DNAI4: variants seen among roughly 807,000 people sequenced by gnomAD.
The protein encoded by DNAI4 is dynein axonemal intermediate chain 4.
DNAI4 carries 85 observed loss-of-function variants against 105.8 expected under a neutral mutation model. That is an observed-to-expected ratio of 0.80 (90% CI 0.67 to 0.96). DNAI4 has a LOEUF of 0.96. Among genes scored for constraint, DNAI4 ranks in the 40% least tolerant of loss-of-function variants. The pLI is 0.00. For synonymous variants in DNAI4, 352 were observed against 331.5 expected (o/e 1.06, Z -0.67); for missense variants, 1,014 against 1,005.6 (o/e 1.01, Z -0.11).
At position 66,905,277 on chromosome 1, in the gene DNAI4, G is replaced by A; in HGVS notation, c.269C>T (p.Ala90Val). ...TGGAATAAGCACGGTTTTGGACACA[G>A]CCATTCTGCTTTGATTTGCACCAGT... The part of the protein sequence containing the change: ...GYTGANQSRM[A>V]VSKTVLIPPE... Residue 90 changes from alanine (A) to valine (V), a missense_variant, in exon 2 of 17, where the codon GCT (alanine) becomes GTT (valine). Physicochemically the swap from Ala to Val is moderately conservative, Grantham distance 64 (BLOSUM62 0). Coordinates refer to ENST00000371026, the MANE Select transcript of DNAI4 (RefSeq NM_024763.5). 2 of 1,586,554 alleles carry A rather than the reference G, an allele frequency of 1.3e-6. No individual in the cohort carries two copies. The highest frequency in any genetic ancestry group is 1.7e-6 in the Non-Finnish European group (2 of 1,161,536).
chr1:66,880,626 T>C (rs970954824), intron 4 of DNAI4, among the ~76,000 whole-genome samples: 2 of 152,172 alleles, frequency 1.3e-5, no homozygotes, highest in Non-Finnish European at 2.9e-5. Context: ...AAGAGGTGAC[T>C]TGGGTGCTGT....
intron 4 of DNAI4, among the ~76,000 whole-genome samples, chr1:66,880,919 T>C (rs931623824): frequency 6.6e-6 from 1 of 152,130 alleles, no homozygotes; most frequent in African/African-American, 2.4e-5. Flanking sequence ...CGGTGTTGTG[T>C]GCAGTCTAGG....
In DNAI4 at chr1:66,890,064, T is replaced by C. The variant is rs1271784417; in HGVS notation, c.643+1090A>G. The stretch of plus-strand genomic sequence containing the variant: ...GCTCACACTGATAATCCCAGTACTT[T>C]GGGAGGCCGAGGCACACAGATCACT... On this transcript the variant is annotated intron_variant, in intron 4 of 16. Transcript: ENST00000371026. This position sits in a 1 kb window ranked among gnomAD's most constrained non-coding sequence, Gnocchi z 4.1. 2 of 152,210 alleles carry C rather than the reference T, an allele frequency of 1.3e-5. No homozygotes were observed. The allele number at this position is 152,210 out of a possible 1,614,324, so 9.4% of individuals were successfully genotyped here. A position where few individuals can be genotyped will look rare whatever the true frequency, so the allele number is the denominator to read the frequency against.
At chr1:66,814,552 T>C (rs1428871448) in intron 16 of DNAI4, among the ~76,000 whole-genome samples, 1 of 152,152 alleles carries the variant, frequency 6.6e-6, no homozygotes, top group Non-Finnish European at 1.5e-5. Context: ...GTATTTTTAG[T>C]AGAGATACGG....
rs1395544937 is a variant in DNAI4, at chr1:66,842,768, T to A, written c.1292-2097A>T. On this transcript the variant is annotated intron_variant, in intron 8 of 16. Transcript: ENST00000371026. ...GTGGATATACCATTGTGCATTCCCA[T>A]CAGCATGAATAAGACTTCTTGTTGC... 3.3e-5 allele frequency among the ~76,000 whole-genome samples: 5 copies of A among 152,162 alleles called. No individual in the cohort carries two copies. In the East Asian group the frequency reaches 7.7e-4, roughly 23 times the overall value.
intron 3 of DNAI4, among the ~76,000 whole-genome samples, chr1:66,892,779 G>A (rs952902079): frequency 6.6e-6 from 1 of 150,848 alleles, no homozygotes; most frequent in Non-Finnish European, 1.5e-5. Context: ...TAGTGGGGGG[G>A]CGCCTGTAAT....
intron 6 of DNAI4, among the ~76,000 whole-genome samples, chr1:66,867,254 T>C (rs763984517): frequency 7.9e-5 from 12 of 152,232 alleles, no homozygotes; most frequent in Non-Finnish European, 1.8e-4. Flanking sequence ...TTTGTGGACA[T>C]TTTCTGTCCC....
At chr1:66,883,013 T>G (rs184387656) in intron 4 of DNAI4, among the ~76,000 whole-genome samples, 1 of 152,146 alleles carries the variant, frequency 6.6e-6, no homozygotes, top group Non-Finnish European at 1.5e-5. Context: ...TTTGTTAGAT[T>G]TATACTTTTC....
intron 8 of DNAI4, among the ~76,000 whole-genome samples, chr1:66,845,643 T>A (rs539728848): frequency 6.6e-6 from 1 of 152,274 alleles, no homozygotes; most frequent in South Asian, 2.1e-4. Context: ...AACAAATCAT[T>A]ATGGTATATT....
intron 16 of DNAI4, among the ~76,000 whole-genome samples, chr1:66,818,058 A>T (rs1378807310): frequency 3.3e-5 from 5 of 152,162 alleles, no homozygotes. Context: ...AATGAAACAG[A>T]TAACTTTAGT....
intron 16 of DNAI4, among the ~76,000 whole-genome samples, chr1:66,818,692 G>A (rs1645566338): frequency 6.6e-6 from 1 of 152,158 alleles, no homozygotes; most frequent in East Asian, 1.9e-4. Context: ...GCCGAGGTGG[G>A]CGGATCACCT....
intron 10 of DNAI4, among the ~76,000 whole-genome samples, chr1:66,836,309 AAAGAAAG>A (rs1646022460): frequency 1.4e-5 from 2 of 144,578 alleles, no homozygotes; most frequent in Non-Finnish European, 1.6e-5. Flanking sequence ...AGAAAGAAAG[AAAGAAAG>A]AAAGAAAGAA....
At chr1:66,905,407 G>C (rs758350902) in intron 1 of DNAI4, 32 bp from the exon 2 acceptor site, 9 of 1,343,914 alleles carry the variant, frequency 6.7e-6, no homozygotes, top group Middle Eastern at 2.0e-4. Context: ...TAATGCAAAG[G>C]ATTCAAGATT....
intron 6 of DNAI4, among the ~76,000 whole-genome samples, chr1:66,869,199 C>A (rs1195595721): frequency 6.6e-6 from 1 of 151,584 alleles, no homozygotes; most frequent in African/African-American, 2.4e-5. Context: ...AGTATTCTCA[C>A]ATTTACAGAA....
rs269396 is a variant in DNAI4 at position 66,868,189 on chromosome 1, T to C, written c.940+3181A>G. Among the ~76,000 whole-genome samples the C allele has an allele frequency of 7.9e-3, 1,208 of 152,342 alleles. 13 individuals are homozygous for C. Among genetic ancestry groups the C allele is most frequent in the African/African-American group, 0.028 (1,161 of 41,574 alleles). On this transcript the variant is annotated intron_variant, in intron 6 of 16. Coordinates refer to ENST00000371026, the MANE Select transcript of DNAI4 (RefSeq NM_024763.5). ...ATGCCTTGAGGGTTCAAATTTATACTACTATATTTTTAATTTTTCCACATA... is the reference window on the plus strand; with the variant it reads ...ATGCCTTGAGGGTTCAAATTTATACCACTATATTTTTAATTTTTCCACATA...
chr1:66,853,006 C>G (rs1439315035), intron 7 of DNAI4, among the ~76,000 whole-genome samples: 1 of 152,078 alleles, frequency 6.6e-6, no homozygotes, highest in Non-Finnish European at 1.5e-5. Flanking sequence ...GTAGCTAAAG[C>G]CAAGATAGCT....
chr1:66,924,786 C>T lies in DNAI4; in HGVS notation c.46G>A (p.Gly16Arg), dbSNP rs1460980613. 1 of 1,614,184 alleles carries T rather than the reference C, an allele frequency of 6.2e-7. No individual in the cohort carries two copies. The highest frequency in any genetic ancestry group is 8.5e-7 in the Non-Finnish European group (1 of 1,180,032). ...HSGASARAAN[G>R]GAWGYRDFRG... ...AAGTCCCTGTACCCCCAAGCTCCTC[C>T]GTTAGCGGCTCGGGCCGAGGCTCCG... is the stretch of plus-strand genomic sequence containing the variant. The change falls in exon 1 of 17, where the codon GGA (glycine) becomes AGA (arginine). Residue 16 changes from glycine to arginine, a missense_variant. Transcript: ENST00000371026.
In DNAI4 at chr1:66,872,204, A is replaced by ATTTT. The variant is rs1387898925; in HGVS notation, c.801-699_801-696dup. On this transcript the variant is annotated intron_variant, in intron 5 of 16. Transcript: ENST00000371026. ...TTTTTGCTTCACATATTTTCAGGTT[A>ATTTT]TTTTATTTATTTATTATTTATTTAT... Among the ~76,000 whole-genome samples, 653 of 128,658 alleles carry ATTTT rather than the reference A, an allele frequency of 5.1e-3. 6 individuals are homozygous for ATTTT. The highest frequency in any genetic ancestry group is 0.02 in the African/African-American group (593 of 29,538). 84.4% of individuals were successfully genotyped at this position (128,658 alleles called of 152,430 possible). A position where few individuals can be genotyped will look rare whatever the true frequency, so the allele number is the denominator to read the frequency against.
chr1:66,848,741 C>T (rs984921155), intron 7 of DNAI4, among the ~76,000 whole-genome samples: 9 of 152,150 alleles, frequency 5.9e-5, no homozygotes, highest in African/African-American at 2.2e-4. Flanking sequence ...CCTGGGAACA[C>T]TGATGGGCAC....
Sources: allele counts gnomAD v4.1 joint callset (sites outside exome capture counted in the v4.1 genomes callset), GRCh38; gene constraint gnomAD v4.1.1; non-coding constraint Gnocchi (gnomAD v3.1); transcripts MANE v1.5; gene names NCBI Gene and HGNC (gene_info 2026-07-23, HGNC 2026-07-21).